PPP2R2C: variants seen among roughly 807,000 people sequenced by gnomAD.
PPP2R2C encodes the protein protein phosphatase 2 regulatory subunit Bgamma.
Under a neutral mutation model 45.3 loss-of-function variants are expected in PPP2R2C, and 10 were observed. The ratio of observed to expected loss-of-function variants is 0.22; its 90% CI spans 0.14 to 0.37. PPP2R2C has a LOEUF of 0.37. Ranked by LOEUF, PPP2R2C falls within the 10% of genes least tolerant of loss-of-function variation. The probability of loss-of-function intolerance (pLI) is 1.00; values close to 1 mark genes in which losing one functional copy is unlikely to be tolerated. For synonymous variants in PPP2R2C, 257 were observed against 245.4 expected, an observed-to-expected ratio of 1.05 and a Z score of -0.44; for missense variants, 308 against 619.7, an observed-to-expected ratio of 0.50 and a Z score of 5.34.
In PPP2R2C at chr4:6,472,384, G is replaced by A. The variant is rs1459901162; in HGVS notation, c.-155C>T. 2 of 1,004,592 alleles carry A rather than the reference G, an allele frequency of 2.0e-6. No homozygotes were observed. The highest frequency in any genetic ancestry group is 2.4e-6 in the Non-Finnish European group (2 of 837,882). 62.2% of individuals were successfully genotyped at this position (1,004,592 alleles called of 1,614,324 possible). On this transcript the variant is annotated 5_prime_UTR_variant, in exon 1 of 9. Coordinates refer to ENST00000382599, the MANE Select transcript of PPP2R2C (RefSeq NM_020416.4). ...GGAGGGCATCGCGGCAGGGGGACGGGCGGGGGCGGCCGGGGGCGGGCGCCG... is the reference window on the plus strand; with the variant it reads ...GGAGGGCATCGCGGCAGGGGGACGGACGGGGGCGGCCGGGGGCGGGCGCCG...
intron 2 of PPP2R2C, among the ~76,000 whole-genome samples, chr4:6,514,352 G>GTACATCTA (rs1295843023): frequency 1.3e-5 from 2 of 152,212 alleles, no homozygotes; most frequent in Non-Finnish European, 2.9e-5. Context: ...CCAGGTATTT[G>GTACATCTA]TACATCTATC....
intron 1 of PPP2R2C, chr4:6,384,346 T>C (rs1347077540): frequency 2.0e-6 from 2 of 985,360 alleles, no homozygotes; most frequent in Non-Finnish European, 2.4e-6. Flanking sequence ...GCAAAGAAAC[T>C]GGGCAGTGGG....
chr4:6,539,797 C>T (rs62286154), intron 1 of PPP2R2C, among the ~76,000 whole-genome samples: 28,556 of 152,062 alleles, frequency 0.19, 2,850 homozygotes, highest in Non-Finnish European at 0.23. Flanking sequence ...ACCTTGCGGG[C>T]GATACAGGAG....
intron 1 of PPP2R2C, among the ~76,000 whole-genome samples, chr4:6,442,583 T>C (rs545262934): frequency 6.6e-6 from 1 of 152,246 alleles, no homozygotes; most frequent in East Asian, 1.9e-4. Context: ...CAGTGATGAT[T>C]ATGGGAATAA....
At chr4:6,461,774 C>G (rs1721333379) in intron 1 of PPP2R2C, among the ~76,000 whole-genome samples, 2 of 152,224 alleles carry the variant, frequency 1.3e-5, no homozygotes, top group South Asian at 4.1e-4. Context: ...CATCCCTCTT[C>G]CCTCAGAAAG....
intron 2 of PPP2R2C, among the ~76,000 whole-genome samples, chr4:6,498,977 G>C (rs1722961600): frequency 6.6e-6 from 1 of 151,828 alleles, no homozygotes; most frequent in South Asian, 2.1e-4. Flanking sequence ...TCTCCCTCTG[G>C]AACTTCATCT....
intron 6 of PPP2R2C, among the ~76,000 whole-genome samples, chr4:6,339,093 A>T (rs751949731): frequency 6.6e-6 from 1 of 152,132 alleles, no homozygotes; most frequent in African/African-American, 2.4e-5. Flanking sequence ...ACTCCTATAC[A>T]TCCTCTAGAA....
At chr4:6,486,728 C>T (rs986861448) in intron 2 of PPP2R2C, among the ~76,000 whole-genome samples, 2 of 152,006 alleles carry the variant, frequency 1.3e-5, no homozygotes, top group African/African-American at 4.8e-5. Flanking sequence ...TTACTTTTAA[C>T]TCTTGTCTTT....
chr4:6,499,300 C>G (rs1722971350), intron 2 of PPP2R2C, among the ~76,000 whole-genome samples: 3 of 152,206 alleles, frequency 2.0e-5, no homozygotes. Flanking sequence ...TTGAGGGAAT[C>G]AGATAGGCAT....
intron 1 of PPP2R2C, chr4:6,555,471 T>G (rs1182671490): frequency 6.6e-6 from 1 of 152,300 alleles, no homozygotes; most frequent in Non-Finnish European, 1.5e-5. Context: ...TGTATGTGGC[T>G]GTGCAGGTGA....
chr4:6,537,780 G>A (rs577105846), intron 1 of PPP2R2C, among the ~76,000 whole-genome samples: 8 of 152,230 alleles, frequency 5.3e-5, no homozygotes, highest in African/African-American at 1.9e-4. Context: ...TCGGTCTCCT[G>A]ACCTCGTGAT....
chr4:6,460,457 T>A (rs1277568791), intron 1 of PPP2R2C, among the ~76,000 whole-genome samples: 3 of 152,292 alleles, frequency 2.0e-5, no homozygotes, highest in Admixed American at 2.0e-4. Context: ...TCTCTGTTGT[T>A]TCAACTGCCC....
At chr4:6,323,827 G>A (rs1731726795) in intron 8 of PPP2R2C, among the ~76,000 whole-genome samples, 1 of 31,106 alleles carries the variant, frequency 3.2e-5, no homozygotes, top group Non-Finnish European at 7.0e-5. Flanking sequence ...TGAGGCAGGA[G>A]GATCACCTGA....
In PPP2R2C at chr4:6,421,196, C is replaced by T. The variant is rs552201308; in HGVS notation, c.71-40102G>A. The T allele has an allele frequency of 8.4e-5, 77 of 919,774 alleles. No homozygotes were observed. The African/African-American group carries it at 1.3e-3, about 16-fold the overall frequency. 57.0% of individuals were successfully genotyped at this position (919,774 alleles called of 1,614,324 possible). ...ATGACCAGTGGGGGCCAATCAGATG[C>T]TCCCACCTGGACCCAGGAGCCAATG... On this transcript the variant is annotated intron_variant, in intron 1 of 8. Coordinates refer to ENST00000382599, the MANE Select transcript of PPP2R2C (RefSeq NM_020416.4).
At chr4:6,498,775 TCAAA>T (rs1490683664) in intron 2 of PPP2R2C, among the ~76,000 whole-genome samples, 2 of 152,122 alleles carry the variant, frequency 1.3e-5, no homozygotes, top group Non-Finnish European at 2.9e-5. Context: ...CATGAGTGAC[TCAAA>T]CAGTCATCAA....
intron 1 of PPP2R2C, among the ~76,000 whole-genome samples, chr4:6,412,805 C>A (rs1009557497): frequency 6.6e-6 from 1 of 152,082 alleles, no homozygotes; most frequent in Non-Finnish European, 1.5e-5. Context: ...GAGGGTGGAG[C>A]CCCCATGAAT....
chr4:6,481,978 CAAAAAAAAA>C (rs59905632), intron 2 of PPP2R2C, among the ~76,000 whole-genome samples: 1,829 of 81,194 alleles, frequency 0.023, 49 homozygotes, highest in African/African-American at 0.089. Context: ...GACTCCGTCT[CAAAAAAAAA>C]AAAAAAAAAA....
intron 1 of PPP2R2C, among the ~76,000 whole-genome samples, chr4:6,439,688 G>A (rs17722973): frequency 0.5 from 76,175 of 151,872 alleles, 21,025 homozygotes; most frequent in Non-Finnish European, 0.65. Flanking sequence ...GAACAGAGAG[G>A]TCTTCCTAAA....
intron 1 of PPP2R2C, among the ~76,000 whole-genome samples, chr4:6,387,918 C>T (rs1211187776): frequency 6.6e-6 from 1 of 152,200 alleles, no homozygotes; most frequent in African/African-American, 2.4e-5. Context: ...TCATTCCTTA[C>T]TTAGAGACAA....
Sources: gnomAD v4.1 joint callset for allele counts (sites outside exome capture counted in the v4.1 genomes callset) on GRCh38, gnomAD v4.1.1 for gene constraint, MANE v1.5 for transcripts, NCBI Gene and HGNC (gene_info 2026-07-23, HGNC 2026-07-21) for gene names.